The following GK5 variants were observed in gnomAD, a reference collection of about 807,000 sequenced individuals.
GK5 encodes glycerol kinase 5, also known as ATP:glycerol 3-phosphotransferase 5.
GK5 carries 39 observed loss-of-function variants against 77.3 expected under a neutral mutation model. The ratio of observed to expected loss-of-function variants is 0.50; its 90% CI spans 0.39 to 0.66. The LOEUF (loss-of-function observed/expected upper bound fraction) is 0.66, where lower values mean the gene tolerates loss of function less well. GK5 is among the 30% of genes least tolerant of loss of function. The probability of loss-of-function intolerance (pLI) is 0.00; values close to 1 mark genes in which losing one functional copy is unlikely to be tolerated. For synonymous variants in GK5, 211 were observed against 208.0 expected (o/e 1.01, Z -0.13); for missense variants, 487 against 633.8 (o/e 0.77, Z 2.49).
chr3:142,181,672 G>T (rs2063699424), intron 10 of GK5, 107 bp from the exon 11 acceptor site: 5 of 707,120 alleles, frequency 7.1e-6, no homozygotes, highest in Non-Finnish European at 1.2e-5. Flanking sequence ...AAGTGCCTCT[G>T]AAGTCAGACT....
In GK5 at chr3:142,203,602, G is replaced by A. The variant is rs1295978442; in HGVS notation, c.411+1093C>T. ...ATCCTGACTAACACGGTGAAACCCCGTCTCTGTTAAAAATAGAAAAAATTA... is the reference window on the plus strand; with the variant it reads ...ATCCTGACTAACACGGTGAAACCCCATCTCTGTTAAAAATAGAAAAAATTA... On this transcript the variant is annotated intron_variant, in intron 4 of 15. Transcript: ENST00000392993. Among the ~76,000 whole-genome samples the A allele has an allele frequency of 3.3e-5, 5 of 152,168 alleles. No homozygotes were observed. The South Asian group carries it at 6.2e-4, about 19-fold the overall frequency.
At chr3:142,205,939 A>C (rs895404454) in intron 3 of GK5, among the ~76,000 whole-genome samples, 5 of 152,134 alleles carry the variant, frequency 3.3e-5, no homozygotes, top group Admixed American at 2.0e-4. Context: ...TATAGCCCCT[A>C]TTCTGTTTTC....
chr3:142,198,969 T>A (rs1430728555), intron 4 of GK5, 36 bp from the exon 5 acceptor site: 14 of 1,495,308 alleles, frequency 9.4e-6, no homozygotes, highest in African/African-American at 1.4e-5. Flanking sequence ...GAAAATGCAT[T>A]TAGTAGTGTT....
At chr3:142,166,041 C>T (rs1340310921) in intron 15 of GK5, among the ~76,000 whole-genome samples, 2 of 152,200 alleles carry the variant, frequency 1.3e-5, no homozygotes, top group African/African-American at 4.8e-5. Flanking sequence ...CCTATGCCAT[C>T]ATTTAATTTC....
chr3:142,178,125 TG>T (rs1420177567), intron 11 of GK5, among the ~76,000 whole-genome samples: 1 of 152,180 alleles, frequency 6.6e-6, no homozygotes, highest in African/African-American at 2.4e-5. Flanking sequence ...CCCAAAGTGC[TG>T]GGAATACAGG....
chr3:142,210,508 C>T (rs1319210830), intron 3 of GK5, among the ~76,000 whole-genome samples: 1 of 152,134 alleles, frequency 6.6e-6, no homozygotes, highest in African/African-American at 2.4e-5. Flanking sequence ...GGCTCCGCTC[C>T]ATTATTTTAA....
rs546822784 is a variant in GK5, at chr3:142,171,392, A to T, written c.1307+27T>A. 8.9e-6 allele frequency: 13 copies of T among 1,454,392 alleles called. No homozygotes were observed. In the African/African-American group the frequency reaches 1.4e-4, roughly 16 times the overall value. The allele number at this position is 1,454,392 out of a possible 1,614,324, so 90.1% of individuals were successfully genotyped here. The stretch of plus-strand genomic sequence containing the variant: ...ACCACTTACTTCTAATTTCTAATTA[A>T]GTCTATTAGAAATAAACTTTACATA... On this transcript the variant is annotated intron_variant, in intron 14 of 15. Coordinates refer to ENST00000392993, the MANE Select transcript of GK5 (RefSeq NM_001039547.3).
chr3:142,179,503 G>A (rs977078618), intron 11 of GK5, among the ~76,000 whole-genome samples: 1 of 152,074 alleles, frequency 6.6e-6, no homozygotes, highest in Non-Finnish European at 1.5e-5. Flanking sequence ...GCAACATAGC[G>A]AGACTCCTAT....
At chr3:142,179,796 TC>T (rs2063668502) in intron 11 of GK5, among the ~76,000 whole-genome samples, 1 of 152,166 alleles carries the variant, frequency 6.6e-6, no homozygotes. Flanking sequence ...CACACTCCAT[TC>T]TCTCTCCCCC....
Position 142,187,738 on chromosome 3 carries a change from A to G in GK5, c.585T>C (p.Thr195=). Residue 195 remains threonine, a synonymous_variant, in exon 6 of 16, where the codon ACT becomes ACC. Coordinates refer to ENST00000392993, the MANE Select transcript of GK5 (RefSeq NM_001039547.3). ...GCTTATATAACAACCAGGTATCAAT[A>G]GTCCCAAAGCAGCAATTTTCTTCTT... ...AVEEENCCFG[T]IDTWLLYKLT... 6.2e-7 allele frequency: 1 copy of G among 1,612,670 alleles called. No individual in the cohort carries two copies. The highest frequency in any genetic ancestry group is 8.5e-7 in the Non-Finnish European group (1 of 1,179,440).
chr3:142,173,550 G>A lies in GK5; in HGVS notation c.1144-1094C>T, dbSNP rs182445878. On this transcript the variant is annotated intron_variant, in intron 12 of 15. Coordinates refer to ENST00000392993, the MANE Select transcript of GK5 (RefSeq NM_001039547.3). Reference sequence around the variant, plus strand: ...ATACAAAAAATTAGCCAGACATGGTGGCGGGCGCCTGTAGTCCCAGCTGCT... The same window carrying A: ...ATACAAAAAATTAGCCAGACATGGTAGCGGGCGCCTGTAGTCCCAGCTGCT... 3.1e-3 allele frequency among the ~76,000 whole-genome samples: 479 copies of A among 152,242 alleles called. 1 individual carries two copies. Among genetic ancestry groups the A allele is most frequent in the African/African-American group, 0.011 (443 of 41,540 alleles).
intron 9 of GK5, 108 bp downstream of exon 9, chr3:142,185,821 C>T (rs764128665): frequency 2.6e-6 from 4 of 1,549,194 alleles, no homozygotes; most frequent in Non-Finnish European, 8.7e-7. Flanking sequence ...ATACTTTAAT[C>T]TTACTCTGCC....
At position 142,157,977 on chromosome 3, in the gene GK5, A is replaced by T. The variant is rs2063395872; in HGVS notation, c.*7645T>A. 6.8e-6 allele frequency: 1 copy of T among 146,906 alleles called. No homozygotes were observed. The highest frequency in any genetic ancestry group is 2.1e-4 in the South Asian group (1 of 4,708). 9.1% of individuals were successfully genotyped at this position (146,906 alleles called of 1,614,324 possible). The stretch of plus-strand genomic sequence containing the variant: ...TTTTTGTTTTTTTTTTTTGAGATGG[A>T]GTCTCACTCTGTCACCCAGGCAGGA... On this transcript the variant is annotated 3_prime_UTR_variant, in exon 16 of 16. Transcript: ENST00000392993.
intron 5 of GK5, among the ~76,000 whole-genome samples, chr3:142,190,414 G>C (rs2063832647): frequency 6.6e-6 from 1 of 152,144 alleles, no homozygotes; most frequent in East Asian, 1.9e-4. Context: ...TAGATCCATA[G>C]AGAATTGAGG....
intron 12 of GK5, among the ~76,000 whole-genome samples, chr3:142,175,900 CA>C (rs1353866941): frequency 6.7e-6 from 1 of 150,156 alleles, no homozygotes. Context: ...ATAGAGAAGT[CA>C]AAGACAGACT....
intron 3 of GK5, among the ~76,000 whole-genome samples, chr3:142,211,661 G>A (rs536122425): frequency 3.3e-5 from 5 of 152,262 alleles, no homozygotes; most frequent in African/African-American, 9.6e-5. Flanking sequence ...CCATAGTGTG[G>A]TACACACCTA....
At chr3:142,220,510 C>CA (rs563429243) in intron 1 of GK5, among the ~76,000 whole-genome samples, 116 of 152,314 alleles carry the variant, frequency 7.6e-4, no homozygotes, top group African/African-American at 2.7e-3. Context: ...GCCAATACCT[C>CA]ACTGCCTGCT....
At chr3:142,197,136 G>C (rs375759597) in intron 5 of GK5, among the ~76,000 whole-genome samples, 1 of 151,930 alleles carries the variant, frequency 6.6e-6, no homozygotes, top group East Asian at 1.9e-4. Flanking sequence ...GCAGTGAGCC[G>C]AGAGCACGCC....
chr3:142,195,034 G>T (rs1291482119), intron 5 of GK5, among the ~76,000 whole-genome samples: 6 of 151,770 alleles, frequency 4.0e-5, no homozygotes, highest in African/African-American at 1.5e-4. Flanking sequence ...GGTTGAAGGA[G>T]TTTCCTTCTA....
Sources: gnomAD v4.1 joint callset for allele counts (sites outside exome capture counted in the v4.1 genomes callset) on GRCh38, gnomAD v4.1.1 for gene constraint, MANE v1.5 for transcripts, NCBI Gene and HGNC (gene_info 2026-07-23, HGNC 2026-07-21) for gene names.